The following PHAX variants were observed in gnomAD, a reference collection of about 807,000 sequenced individuals.
The protein encoded by PHAX is phosphorylated adapter RNA export protein.
Under a neutral mutation model 41.6 loss-of-function variants are expected in PHAX, and 31 were observed. The ratio of observed to expected loss-of-function variants is 0.75; its 90% CI spans 0.56 to 1.01. The LOEUF is 1.01. Among genes scored for constraint, PHAX ranks in the 50% least tolerant of loss-of-function variants. The pLI is 0.00. For missense variants in PHAX, 453 were observed against 472.9 expected (o/e 0.96, Z 0.39); for synonymous variants, 175 against 164.9 (o/e 1.06, Z -0.47).
intron 3 of PHAX, among the ~76,000 whole-genome samples, chr5:126,611,923 A>G (rs1752107766): frequency 6.6e-6 from 1 of 151,832 alleles, no homozygotes; most frequent in South Asian, 2.1e-4. Context: ...AGAAGGTGCA[A>G]TTTGAACAAA....
intron 2 of PHAX, among the ~76,000 whole-genome samples, chr5:126,606,716 A>T (rs1308946325): frequency 6.6e-6 from 1 of 151,828 alleles, no homozygotes; most frequent in Non-Finnish European, 1.5e-5. Context: ...CAGTGGCATG[A>T]TCTCAGCTCA....
chr5:126,603,472 A>G lies in PHAX; in HGVS notation c.97-98A>G. 3.0e-6 allele frequency: 4 copies of G among 1,335,322 alleles called. No homozygotes were observed. In the South Asian group the frequency reaches 5.8e-5, roughly 19 times the overall value. The allele number at this position is 1,335,322 out of a possible 1,614,324, so 82.7% of individuals were successfully genotyped here. A position where few individuals can be genotyped will look rare whatever the true frequency, so the allele number is the denominator to read the frequency against. ...AGATTTGTCTTTGAAGATCAGTTCC[A>G]TTTTGGAATGGCAAAGTTGAATCTC... On this transcript the variant is annotated intron_variant, in intron 1 of 4. Coordinates refer to ENST00000297540, the MANE Select transcript of PHAX (RefSeq NM_032177.4).
At chr5:126,609,421 C>T (rs76352878) in intron 3 of PHAX, among the ~76,000 whole-genome samples, 4,307 of 151,788 alleles carry the variant, frequency 0.028, 208 homozygotes, top group African/African-American at 0.097. Context: ...AGTTTTAAGA[C>T]GACAAAGTCT....
intron 4 of PHAX, among the ~76,000 whole-genome samples, chr5:126,621,346 C>T (rs1581423130): frequency 6.6e-6 from 1 of 152,178 alleles, no homozygotes; most frequent in Non-Finnish European, 1.5e-5. Flanking sequence ...CATGCCATCA[C>T]TCTCAGCTTA....
chr5:126,607,716 G>T (rs904101746), intron 2 of PHAX, among the ~76,000 whole-genome samples: 4 of 152,128 alleles, frequency 2.6e-5, no homozygotes, highest in Admixed American at 2.0e-4. Context: ...TTCTTGATCT[G>T]TTGAGAGTGT....
intron 3 of PHAX, among the ~76,000 whole-genome samples, chr5:126,609,756 T>A (rs1752051964): frequency 6.6e-6 from 1 of 152,122 alleles, no homozygotes; most frequent in Non-Finnish European, 1.5e-5. Context: ...TGTTTGTTTT[T>A]TGAGACGGAA....
intron 3 of PHAX, among the ~76,000 whole-genome samples, chr5:126,611,051 T>C (rs1752087908): frequency 1.1e-5 from 1 of 92,602 alleles, no homozygotes; most frequent in African/African-American, 6.3e-5. Flanking sequence ...TCTTTTCGTT[T>C]GTTTGTTTGT....
intron 1 of PHAX, among the ~76,000 whole-genome samples, chr5:126,601,374 C>T (rs988328931): frequency 6.6e-6 from 1 of 152,194 alleles, no homozygotes; most frequent in Non-Finnish European, 1.5e-5. Context: ...GGCCGGCTTG[C>T]GGCGGCCTCT....
chr5:126,609,224 C>T (rs575684217), intron 3 of PHAX, among the ~76,000 whole-genome samples: 166 of 151,322 alleles, frequency 1.1e-3, no homozygotes, highest in African/African-American at 3.9e-3. Flanking sequence ...CCTCAGCCCC[C>T]CAAGTAGCTG....
intron 1 of PHAX, among the ~76,000 whole-genome samples, chr5:126,601,405 A>T (rs1751901233): frequency 4.6e-5 from 7 of 152,134 alleles, no homozygotes; most frequent in Admixed American, 4.6e-4. Context: ...ACCTCCGCCT[A>T]CCGCTCTTTC....
Position 126,600,985 on chromosome 5 carries a change from T to C in PHAX, c.23T>C (p.Met8Thr), listed in dbSNP as rs779076925. 4.4e-6 allele frequency: 7 copies of C among 1,604,196 alleles called. No individual in the cohort carries two copies. Among genetic ancestry groups the C allele is most frequent in the African/African-American group, 1.4e-5 (1 of 72,988 alleles). MALEVGD[M>T]EDGQLSDSDS... ...AAGATGGCGTTGGAGGTCGGCGATA[T>C]GGAAGATGGGCAGCTTTCCGACTCG... The change falls in exon 1 of 5, where the codon ATG becomes ACG. Residue 8 changes from methionine (M) to threonine (T), a missense_variant. Coordinates refer to ENST00000297540, the MANE Select transcript of PHAX (RefSeq NM_032177.4).
intron 4 of PHAX, among the ~76,000 whole-genome samples, chr5:126,620,988 G>A (rs1194053045): frequency 1.3e-5 from 2 of 151,984 alleles, no homozygotes; most frequent in South Asian, 2.1e-4. Flanking sequence ...CACCCTCCTC[G>A]GCCTCCCAAA....
intron 4 of PHAX, among the ~76,000 whole-genome samples, chr5:126,618,625 A>AT (rs11399681): frequency 0.12 from 17,253 of 145,856 alleles, 1,329 homozygotes; most frequent in African/African-American, 0.22. Context: ...TTTTAATTAA[A>AT]TTTTTTTTTT....
intron 3 of PHAX, among the ~76,000 whole-genome samples, chr5:126,613,696 A>T (rs1381589071): frequency 6.6e-6 from 1 of 151,964 alleles, no homozygotes; most frequent in Non-Finnish European, 1.5e-5. Flanking sequence ...TAAAAAGATT[A>T]TATGTGTCAA....
intron 3 of PHAX, among the ~76,000 whole-genome samples, chr5:126,616,095 C>CA (rs35851157): frequency 0.35 from 43,795 of 124,340 alleles, 9,747 homozygotes; most frequent in African/African-American, 0.64. Flanking sequence ...GACTTTGTCT[C>CA]AAAAAAAAAA....
intron 4 of PHAX, among the ~76,000 whole-genome samples, chr5:126,621,941 AGTTT>A (rs1752279823): frequency 6.6e-6 from 1 of 152,094 alleles, no homozygotes; most frequent in Non-Finnish European, 1.5e-5. Context: ...ATGGGAATGA[AGTTT>A]GTTTTTATTT....
At chr5:126,616,119 G>T (rs557475180) in intron 3 of PHAX, among the ~76,000 whole-genome samples, 4 of 150,540 alleles carry the variant, frequency 2.7e-5, no homozygotes, top group African/African-American at 4.9e-5. Flanking sequence ...TGAAATGGAG[G>T]TTTGCTCTTG....
rs1475695578 is a variant in PHAX at position 126,626,213 on chromosome 5, C to CT, written c.*1370dup. On this transcript the variant is annotated 3_prime_UTR_variant, in exon 5 of 5. Coordinates refer to ENST00000297540, the MANE Select transcript of PHAX (RefSeq NM_032177.4). The stretch of plus-strand genomic sequence containing the variant: ...TAGGCAATGTAGTGAGACCCTGTCT[C>CT]TAATTTAAAAAAGAAAAAGAAAAAA... 6 of 151,928 alleles carry CT rather than the reference C, an allele frequency of 3.9e-5. No individual in the cohort carries two copies. Among genetic ancestry groups the CT allele is most frequent in the African/African-American group, 1.5e-4 (6 of 41,326 alleles). 9.4% of individuals were successfully genotyped at this position (151,928 alleles called of 1,614,324 possible). A position where few individuals can be genotyped will look rare whatever the true frequency, so the allele number is the denominator to read the frequency against.
intron 2 of PHAX, among the ~76,000 whole-genome samples, chr5:126,607,596 T>C (rs1002374814): frequency 1.3e-5 from 2 of 151,332 alleles, no homozygotes; most frequent in Non-Finnish European, 1.5e-5. Context: ...AAAGACGGGG[T>C]TTCTCCACGT....
Sources: gnomAD v4.1 joint callset for allele counts (sites outside exome capture counted in the v4.1 genomes callset) on GRCh38, gnomAD v4.1.1 for gene constraint, MANE v1.5 for transcripts, NCBI Gene and HGNC (gene_info 2026-07-23, HGNC 2026-07-21) for gene names.